Variants in ANXA3 observed in about 807,000 individuals in gnomAD.
ANXA3 encodes the protein 35-alpha calcimedin.
In ANXA3, 46 loss-of-function variants were observed where a neutral mutation model predicts 48.8. The ratio of observed to expected loss-of-function variants is 0.94; its 90% CI spans 0.74 to 1.21. The LOEUF (loss-of-function observed/expected upper bound fraction) is 1.21, where lower values mean the gene tolerates loss of function less well. Ranked by LOEUF, ANXA3 falls within the 50% of genes most tolerant of loss-of-function variation. ANXA3 has a pLI of 0.00. For synonymous variants in ANXA3, 128 were observed against 134.7 expected, an observed-to-expected ratio of 0.95 and a Z score of 0.35; for missense variants, 383 against 378.6, an observed-to-expected ratio of 1.01 and a Z score of -0.10.
At chr4:78,594,466 C>T (rs985210865) in intron 7 of ANXA3, among the ~76,000 whole-genome samples, 2 of 152,214 alleles carry the variant, frequency 1.3e-5, no homozygotes, top group Non-Finnish European at 2.9e-5. Context: ...GCAGAACTGT[C>T]TTCCAAAGTG....
intron 4 of ANXA3, among the ~76,000 whole-genome samples, chr4:78,580,738 T>C (rs980788869): frequency 2.0e-5 from 3 of 152,198 alleles, no homozygotes; most frequent in African/African-American, 7.2e-5. Context: ...GATAACATAT[T>C]ATATTGAAAT....
At chr4:78,608,259 A>T (rs1723692349) in intron 12 of ANXA3, among the ~76,000 whole-genome samples, 1 of 152,164 alleles carries the variant, frequency 6.6e-6, no homozygotes, top group Non-Finnish European at 1.5e-5. Context: ...TCTATGAGAA[A>T]GTCATGATTC....
At chr4:78,607,039 C>T (rs951550285) in intron 12 of ANXA3, among the ~76,000 whole-genome samples, 4 of 152,200 alleles carry the variant, frequency 2.6e-5, no homozygotes, top group Non-Finnish European at 1.5e-5. Flanking sequence ...AAGGTTGAGA[C>T]ATAAAGAGGG....
chr4:78,595,097 A>AC (rs1311970673), intron 7 of ANXA3, among the ~76,000 whole-genome samples: 1 of 152,212 alleles, frequency 6.6e-6, no homozygotes, highest in African/African-American at 2.4e-5. Context: ...TGACTGCAGG[A>AC]CTACACTCTG....
At chr4:78,597,460 T>C (rs1459928635) in intron 10 of ANXA3, 46 bp downstream of exon 10, 13 of 1,307,390 alleles carry the variant, frequency 9.9e-6, no homozygotes, top group Non-Finnish European at 1.4e-5. Flanking sequence ...GCACTTGCTT[T>C]AACTCAGTGC....
chr4:78,561,643 G>T (rs72659070), intron 2 of ANXA3, among the ~76,000 whole-genome samples: 22 of 152,154 alleles, frequency 1.4e-4, no homozygotes, highest in Admixed American at 3.9e-4. Context: ...TCCTCCTCTG[G>T]TCTCCCTCAC....
chr4:78,578,379 AAGGG>A (rs1374639594), intron 3 of ANXA3, among the ~76,000 whole-genome samples: 4 of 83,166 alleles, frequency 4.8e-5, no homozygotes, highest in African/African-American at 1.2e-4. Context: ...GGAAAGAAGG[AAGGG>A]AGGGAGGGAG....
chr4:78,566,018 G>A (rs1208020200), intron 2 of ANXA3, among the ~76,000 whole-genome samples: 1 of 152,168 alleles, frequency 6.6e-6, no homozygotes, highest in East Asian at 1.9e-4. Flanking sequence ...GGAAAGAAAA[G>A]AGAGAGCCAC....
At chr4:78,579,251 G>A (rs1275939781) in intron 4 of ANXA3, 130 bp downstream of exon 4, 4 of 568,384 alleles carry the variant, frequency 7.0e-6, no homozygotes, top group Non-Finnish European at 1.3e-5. Context: ...ATCCAGTCAG[G>A]AGCCTGGAAT....
intron 7 of ANXA3, among the ~76,000 whole-genome samples, chr4:78,593,731 G>A (rs961059154): frequency 8.7e-5 from 13 of 149,642 alleles, no homozygotes; most frequent in African/African-American, 3.2e-4. Flanking sequence ...CGACCTCCTG[G>A]GCCCAAGCAG....
intron 2 of ANXA3, among the ~76,000 whole-genome samples, chr4:78,563,899 G>A (rs2109927516): frequency 6.6e-6 from 1 of 152,208 alleles, no homozygotes; most frequent in South Asian, 2.1e-4. Flanking sequence ...CATGCACAGG[G>A]CTGAGTATGT....
At chr4:78,578,937 G>A (rs1047330358) in intron 3 of ANXA3, 90 bp from the exon 4 acceptor site, 1 of 604,386 alleles carries the variant, frequency 1.7e-6, no homozygotes, top group African/African-American at 1.8e-5. Flanking sequence ...CTTACTCTCT[G>A]CATTTGTCTC....
chr4:78,601,633 A>G (rs993269264), intron 11 of ANXA3, 65 bp downstream of exon 11: 48 of 1,287,438 alleles, frequency 3.7e-5, no homozygotes, highest in Non-Finnish European at 5.4e-5. Context: ...GTATGCAAAT[A>G]GTAGAACAAA....
chr4:78,558,203 CAGA>C (rs2109924035), intron 2 of ANXA3, among the ~76,000 whole-genome samples: 1 of 152,190 alleles, frequency 6.6e-6, no homozygotes, highest in East Asian at 1.9e-4. Flanking sequence ...TTCATAGGAA[CAGA>C]AGGAGACTGG....
At chr4:78,564,044 A>G (rs1006890504) in intron 2 of ANXA3, among the ~76,000 whole-genome samples, 2 of 152,254 alleles carry the variant, frequency 1.3e-5, no homozygotes, top group South Asian at 4.1e-4. Context: ...CTGGTGCTAG[A>G]TGACTCAAAA....
In ANXA3 at chr4:78,581,224, C is replaced by T. The variant is rs572173891; in HGVS notation, c.199-953C>T. Among the ~76,000 whole-genome samples the T allele has an allele frequency of 7.2e-5, 11 of 152,316 alleles. No homozygotes were observed. The South Asian group carries it at 1.9e-3, about 26-fold the overall frequency. On this transcript the variant is annotated intron_variant, in intron 4 of 12. Coordinates refer to ENST00000264908, the MANE Select transcript of ANXA3 (RefSeq NM_005139.3). ...TGTGCCCACAGCGTTTCAGCAGGCTCAGAGGCTACCAGCCTCTATTTCAGA... is the reference window on the plus strand; with the variant it reads ...TGTGCCCACAGCGTTTCAGCAGGCTTAGAGGCTACCAGCCTCTATTTCAGA...
rs774639298 is a variant in ANXA3 at position 78,595,393 on chromosome 4, G to C, written c.496G>C (p.Glu166Gln). ...TCCTCCTGTTTAGGGCAGAAGAGAT[G>C]AAAGTCTGAAAGTGGATGAGCATCT... ...LLTLADGRRD[E>Q]SLKVDEHLAK... The change falls in exon 8 of 13, where the codon GAA (glutamate) becomes CAA (glutamine). Residue 166 changes from glutamate (E) to glutamine (Q), a missense_variant. Physicochemically the swap from Glu to Gln is conservative, Grantham distance 29. Coordinates refer to ENST00000264908, the MANE Select transcript of ANXA3 (RefSeq NM_005139.3). 2.5e-6 allele frequency: 4 copies of C among 1,613,106 alleles called. No homozygotes were observed. The Admixed American group carries it at 5.0e-5, about 20-fold the overall frequency.
At chr4:78,563,449 G>A (rs1722664197) in intron 2 of ANXA3, among the ~76,000 whole-genome samples, 1 of 152,092 alleles carries the variant, frequency 6.6e-6, no homozygotes, top group South Asian at 2.1e-4. Context: ...GGATGATTGG[G>A]CGATGGGATC....
intron 12 of ANXA3, among the ~76,000 whole-genome samples, chr4:78,606,302 C>A (rs926021266): frequency 1.3e-5 from 2 of 152,216 alleles, no homozygotes; most frequent in Admixed American, 1.3e-4. Context: ...AAGAGGGAAG[C>A]AGCAGCCAAG....
Sources: allele counts gnomAD v4.1 joint callset (sites outside exome capture counted in the v4.1 genomes callset), GRCh38; gene constraint gnomAD v4.1.1; transcripts MANE v1.5; gene names NCBI Gene and HGNC (gene_info 2026-07-23, HGNC 2026-07-21).